KCNIP1: variants seen among roughly 807,000 people sequenced by gnomAD.
KCNIP1 encodes the protein A-type potassium channel modulatory protein KCNIP1.
KCNIP1 carries 18 observed loss-of-function variants against 33.0 expected under a neutral mutation model. The ratio of observed to expected loss-of-function variants is 0.55; its 90% confidence interval spans 0.38 to 0.81. The LOEUF is 0.81. Ranked by LOEUF, KCNIP1 falls within the 30% of genes least tolerant of loss-of-function variation. The pLI, the probability that KCNIP1 is intolerant of heterozygous loss-of-function variation, is 0.00. For missense variants in KCNIP1, 238 were observed against 271.6 expected (o/e 0.88, Z 0.87); for synonymous variants, 93 against 98.3 (o/e 0.95, Z 0.32).
intron 1 of KCNIP1, among the ~76,000 whole-genome samples, chr5:170,485,426 G>T (rs932453949): frequency 6.6e-6 from 1 of 152,216 alleles, no homozygotes; most frequent in Non-Finnish European, 1.5e-5. Flanking sequence ...TGGGCCCAGG[G>T]TGTGGACGGG....
chr5:170,492,035 C>T (rs1757218275), intron 1 of KCNIP1, among the ~76,000 whole-genome samples: 1 of 152,186 alleles, frequency 6.6e-6, no homozygotes, highest in Non-Finnish European at 1.5e-5. Flanking sequence ...AGTTCTCGGA[C>T]ACCAGTTCTG....
intron 1 of KCNIP1, among the ~76,000 whole-genome samples, chr5:170,381,709 G>A (rs951393046): frequency 1.3e-5 from 2 of 152,232 alleles, no homozygotes; most frequent in Non-Finnish European, 2.9e-5. Flanking sequence ...TCATTCAGGG[G>A]ATGCTCCTCT....
intron 1 of KCNIP1, among the ~76,000 whole-genome samples, chr5:170,688,010 A>G (rs1762599419): frequency 1.2e-5 from 1 of 80,688 alleles, no homozygotes; most frequent in Non-Finnish European, 2.1e-5. Context: ...AAAAAGAAAT[A>G]TGACTGTATT....
chr5:170,604,375 G>A (rs960115790), intron 1 of KCNIP1, among the ~76,000 whole-genome samples: 4 of 152,142 alleles, frequency 2.6e-5, no homozygotes, highest in South Asian at 2.1e-4. Context: ...TGGGGACAGC[G>A]GTGTATGTTG....
intron 1 of KCNIP1, among the ~76,000 whole-genome samples, chr5:170,608,222 G>C (rs911186447): frequency 6.6e-6 from 1 of 152,146 alleles, no homozygotes; most frequent in East Asian, 1.9e-4. Context: ...CCTCAGAGCC[G>C]AAAAGCAAAC....
At chr5:170,593,587 T>G (rs1042087837) in intron 1 of KCNIP1, among the ~76,000 whole-genome samples, 2 of 152,232 alleles carry the variant, frequency 1.3e-5, no homozygotes, top group Non-Finnish European at 1.5e-5. Flanking sequence ...TTGCTATAAT[T>G]GTTCACATTC....
At chr5:170,638,746 T>C (rs1420530163) in intron 1 of KCNIP1, among the ~76,000 whole-genome samples, 2 of 152,200 alleles carry the variant, frequency 1.3e-5, no homozygotes, top group African/African-American at 4.8e-5. Context: ...GGTGTCTTCC[T>C]TCAGCTCCTA....
At chr5:170,515,204 C>T (rs914975171) in intron 1 of KCNIP1, among the ~76,000 whole-genome samples, 7 of 152,134 alleles carry the variant, frequency 4.6e-5, no homozygotes, top group African/African-American at 1.4e-4. Flanking sequence ...TTTGATATGT[C>T]CTCAGGGTGC....
chr5:170,362,759 C>G (rs1269288092), intron 1 of KCNIP1, among the ~76,000 whole-genome samples: 1 of 152,170 alleles, frequency 6.6e-6, no homozygotes, highest in Non-Finnish European at 1.5e-5. Flanking sequence ...CTGGGGTTAG[C>G]CTAATTTTCT....
At chr5:170,390,517 AATATAT>A (rs1554088940) in intron 1 of KCNIP1, among the ~76,000 whole-genome samples, 3 of 74,542 alleles carry the variant, frequency 4.0e-5, no homozygotes, top group Non-Finnish European at 7.5e-5. Flanking sequence ...AAAAAAAACA[AATATAT>A]ATATATATAT....
intron 1 of KCNIP1, among the ~76,000 whole-genome samples, chr5:170,636,436 C>T (rs186754427): frequency 2.0e-5 from 3 of 152,182 alleles, no homozygotes; most frequent in East Asian, 3.9e-4. Flanking sequence ...AGGAGGGGCC[C>T]GAGGCTGGAA....
At chr5:170,485,126 G>A (rs867199705) in intron 1 of KCNIP1, among the ~76,000 whole-genome samples, 8 of 151,966 alleles carry the variant, frequency 5.3e-5, no homozygotes, top group African/African-American at 1.9e-4. Flanking sequence ...TTTTAGTAGA[G>A]ACGGGATTTC....
At chr5:170,735,434 A>C (rs530181534) in intron 7 of KCNIP1, among the ~76,000 whole-genome samples, 1 of 152,374 alleles carries the variant, frequency 6.6e-6, no homozygotes, top group Admixed American at 6.5e-5. Flanking sequence ...ATAATTGGTC[A>C]GTGTAATTAA....
chr5:170,403,918 G>A (rs1378767803), intron 1 of KCNIP1, among the ~76,000 whole-genome samples: 2 of 152,206 alleles, frequency 1.3e-5, no homozygotes, highest in African/African-American at 4.8e-5. Context: ...TCACAGAGGG[G>A]AGCTGCATAT....
intron 1 of KCNIP1, among the ~76,000 whole-genome samples, chr5:170,520,100 T>C (rs1755305700): frequency 6.6e-6 from 1 of 152,212 alleles, no homozygotes; most frequent in South Asian, 2.1e-4. Context: ...GTGTTTGGTG[T>C]GTGCATGTGT....
intron 1 of KCNIP1, among the ~76,000 whole-genome samples, chr5:170,401,934 G>T (rs1209491454): frequency 6.6e-6 from 1 of 152,138 alleles, no homozygotes; most frequent in Non-Finnish European, 1.5e-5. Flanking sequence ...AGCTCTGGAG[G>T]CCAGAAGTTC....
chr5:170,382,879 C>G (rs1319701424), intron 1 of KCNIP1: 3 of 151,638 alleles, frequency 2.0e-5, no homozygotes, highest in African/African-American at 7.4e-5. Context: ...GTCCTACAGG[C>G]TTGACACAGG....
intron 1 of KCNIP1, among the ~76,000 whole-genome samples, chr5:170,395,009 C>A (rs1754722961): frequency 6.6e-6 from 1 of 152,184 alleles, no homozygotes; most frequent in Non-Finnish European, 1.5e-5. Context: ...TGTTGGGCAC[C>A]AAGGTTGTTT....
chr5:170,385,604 TC>T (rs1764437541), intron 1 of KCNIP1: 1 of 877,468 alleles, frequency 1.1e-6, no homozygotes, highest in East Asian at 2.7e-5. Context: ...CTTTGCAACT[TC>T]CAGAAGTCTT....
Sources: gnomAD v4.1 joint callset for allele counts (sites outside exome capture counted in the v4.1 genomes callset) on GRCh38, gnomAD v4.1.1 for gene constraint, MANE v1.5 for transcripts, NCBI Gene and HGNC (gene_info 2026-07-23, HGNC 2026-07-21) for gene names.